The following ADAMTSL1 variants were observed in gnomAD, a reference collection of about 807,000 sequenced individuals.
ADAMTSL1 encodes ADAMTS like 1.
In ADAMTSL1, 126 loss-of-function variants were observed where a neutral mutation model predicts 201.8. That is an observed-to-expected ratio of 0.62 (90% CI 0.54 to 0.72). The LOEUF (loss-of-function observed/expected upper bound fraction) is 0.72. Among genes scored for constraint, ADAMTSL1 ranks in the 30% least tolerant of loss-of-function variants. ADAMTSL1 has a pLI of 0.00. For synonymous variants in ADAMTSL1, 1,121 were observed against 903.4 expected (o/e 1.24, Z -4.32); for missense variants, 2,679 against 2,277.8 (o/e 1.18, Z -3.59).
chr9:18,823,725 G>A (rs1361841050), intron 21 of ADAMTSL1, among the ~76,000 whole-genome samples: 4 of 152,092 alleles, frequency 2.6e-5, no homozygotes, highest in Non-Finnish European at 5.9e-5. Context: ...ATGGTGGCTC[G>A]TGCCTGTAAT....
intron 1 of ADAMTSL1, among the ~76,000 whole-genome samples, chr9:18,496,485 C>T (rs1822541077): frequency 6.6e-6 from 1 of 152,190 alleles, no homozygotes; most frequent in Admixed American, 6.5e-5. Context: ...TATTACACCA[C>T]ATTTTTTTCT....
intron 2 of ADAMTSL1, among the ~76,000 whole-genome samples, chr9:18,305,387 G>T (rs1227183397): frequency 6.6e-6 from 1 of 152,200 alleles, no homozygotes; most frequent in Non-Finnish European, 1.5e-5. Flanking sequence ...GGGGGCTGAA[G>T]CCAGGCAGCT....
intron 2 of ADAMTSL1, among the ~76,000 whole-genome samples, chr9:18,464,388 C>G (rs1167480305): frequency 2.0e-5 from 3 of 152,130 alleles, no homozygotes; most frequent in Non-Finnish European, 4.4e-5. Context: ...TATTGTTACA[C>G]AAATTATACT....
intron 2 of ADAMTSL1, among the ~76,000 whole-genome samples, chr9:18,337,986 G>C (rs1835312362): frequency 6.6e-6 from 1 of 152,080 alleles, no homozygotes; most frequent in African/African-American, 2.4e-5. Flanking sequence ...TTACAGGAGT[G>C]GGGCAAAAGA....
Position 18,115,998 on chromosome 9 carries a change from A to C in ADAMTSL1, c.88-47864A>C, listed in dbSNP as rs377109253. Among the ~76,000 whole-genome samples the C allele has an allele frequency of 6.0e-4, 92 of 152,206 alleles. 3 individuals carry two copies. In the South Asian group the frequency reaches 0.018, roughly 30 times the overall value. On this transcript the variant is annotated intron_variant, in intron 1 of 29. Transcript: ENST00000680146. ...AGTTTTACTAAGTTGTGCCTTATAAAACTGTTCTCTGATATTGTGGAGATA... is the reference window on the plus strand; with the variant it reads ...AGTTTTACTAAGTTGTGCCTTATAACACTGTTCTCTGATATTGTGGAGATA...
At chr9:18,672,254 A>T (rs866234030) in intron 9 of ADAMTSL1, among the ~76,000 whole-genome samples, 1 of 152,018 alleles carries the variant, frequency 6.6e-6, no homozygotes, top group Middle Eastern at 3.4e-3. Flanking sequence ...GCACAGACTC[A>T]ATGATCTTGA....
At chr9:18,747,282 A>T (rs553429098) in intron 15 of ADAMTSL1, among the ~76,000 whole-genome samples, 3 of 152,280 alleles carry the variant, frequency 2.0e-5, no homozygotes, top group Non-Finnish European at 4.4e-5. Flanking sequence ...AAATGGGGAA[A>T]CTTACAGTAC....
At chr9:18,547,367 C>A (rs1004916061) in intron 3 of ADAMTSL1, among the ~76,000 whole-genome samples, 2 of 151,868 alleles carry the variant, frequency 1.3e-5, no homozygotes, top group African/African-American at 4.8e-5. Flanking sequence ...AATGATAAAA[C>A]CAGTGGCATA....
chr9:18,630,252 G>A (rs765112652), intron 5 of ADAMTSL1, among the ~76,000 whole-genome samples: 7 of 152,090 alleles, frequency 4.6e-5, no homozygotes, highest in Non-Finnish European at 8.8e-5. Context: ...AATGTTCCAT[G>A]ACTTACAAAG....
chr9:18,406,287 GTTTTTTCTTT>G (rs1275341374), intron 2 of ADAMTSL1, among the ~76,000 whole-genome samples: 1 of 62,196 alleles, frequency 1.6e-5, no homozygotes, highest in African/African-American at 4.3e-5. Context: ...GTATAAGACA[GTTTTTTCTTT>G]TCTTTTCTTT....
At chr9:18,807,380 C>G (rs981358167) in intron 20 of ADAMTSL1, among the ~76,000 whole-genome samples, 2 of 152,092 alleles carry the variant, frequency 1.3e-5, no homozygotes, top group African/African-American at 4.8e-5. Context: ...CGCGGTAGCT[C>G]ACGCCTGAAA....
In ADAMTSL1 at chr9:18,317,652, C is replaced by G. The variant is rs185517843; in HGVS notation, c.207+153671C>G. 5.5e-3 allele frequency among the ~76,000 whole-genome samples: 836 copies of G among 152,306 alleles called. 8 individuals carry two copies. The highest frequency in any genetic ancestry group is 0.019 in the African/African-American group (807 of 41,562). On this transcript the variant is annotated intron_variant, in intron 2 of 29. Coordinates refer to the ADAMTSL1 transcript ENST00000680146. ...GAAAGCCTGCTAAAAGGCCTTTAGT[C>G]CCCATCTTCACCAGACTATTTACTT... is the stretch of plus-strand genomic sequence containing the variant.
chr9:18,366,773 A>G (rs1249066785), intron 2 of ADAMTSL1, among the ~76,000 whole-genome samples: 3 of 150,290 alleles, frequency 2.0e-5, no homozygotes, highest in Non-Finnish European at 4.4e-5. Context: ...ACCTGCCACC[A>G]TTCCCGGCTA....
chr9:18,488,353 G>A (rs558429220), intron 1 of ADAMTSL1, among the ~76,000 whole-genome samples: 5 of 152,252 alleles, frequency 3.3e-5, no homozygotes, highest in South Asian at 4.2e-4. Context: ...AGCTTCCCAC[G>A]TTTGGTCAGT....
In ADAMTSL1 at chr9:18,681,697, T is replaced by TGTGTGGC. The variant is rs370940110; in HGVS notation, c.1342-114_1342-113insTGTGGCG. 1.1e-3 allele frequency: 254 copies of TGTGTGGC among 240,298 alleles called. 2 individuals carry two copies. The highest frequency in any genetic ancestry group is 5.5e-3 in the South Asian group (66 of 11,978). 14.9% of individuals were successfully genotyped at this position (240,298 alleles called of 1,614,324 possible). A position where few individuals can be genotyped will look rare whatever the true frequency, so the allele number is the denominator to read the frequency against. On this transcript the variant is annotated intron_variant, in intron 11 of 28. Coordinates refer to ENST00000380548, the MANE Select transcript of ADAMTSL1 (RefSeq NM_001040272.6). Reference sequence around the variant, plus strand: ...TATAAATTTACCAGGAGTCCTCGTGTGGGGGGGGGGGGCGGGGAAAAAGAA... The same window carrying TGTGTGGC: ...TATAAATTTACCAGGAGTCCTCGTGTGTGTGGCGGGGGGGGGGGGCGGGGAAAAAGAA...
At chr9:18,049,002 C>T (rs1409104261) in intron 1 of ADAMTSL1, among the ~76,000 whole-genome samples, 1 of 152,132 alleles carries the variant, frequency 6.6e-6, no homozygotes, top group Non-Finnish European at 1.5e-5. Flanking sequence ...TCCCCTACTT[C>T]CGGCAGTTGC....
intron 2 of ADAMTSL1, among the ~76,000 whole-genome samples, chr9:18,189,224 A>G (rs1266087609): frequency 1.3e-5 from 2 of 152,150 alleles, no homozygotes; most frequent in Non-Finnish European, 2.9e-5. Context: ...GAGGGGATGC[A>G]TGAGAACATT....
intron 1 of ADAMTSL1, among the ~76,000 whole-genome samples, chr9:18,060,352 C>T (rs1226453259): frequency 6.6e-6 from 1 of 152,138 alleles, no homozygotes; most frequent in Admixed American, 6.5e-5. Context: ...ATACTGTAGG[C>T]ACCTCAGATA....
rs770332554 is a variant in ADAMTSL1 at position 18,777,203 on chromosome 9, C to G, written c.2974C>G (p.Leu992Val). The change falls in exon 19 of 29, where the codon CTG becomes GTG. Residue 992 changes from leucine (L) to valine (V), a missense_variant. Physicochemically the swap from Leu to Val is conservative, Grantham distance 32. Coordinates refer to ENST00000380548, the MANE Select transcript of ADAMTSL1 (RefSeq NM_001040272.6). ...GAGGAAGGGCGGCCCGAAGGAGGCC[C>G]TGCAGACCCACAAACACCAGAACGG... ...AGRKGGPKEA[L>V]QTHKHQNGIF... 16 of 1,612,758 alleles carry G rather than the reference C, an allele frequency of 9.9e-6. No individual in the cohort carries two copies. Among genetic ancestry groups the G allele is most frequent in the Non-Finnish European group, 8.5e-7 (1 of 1,179,826 alleles).
Sources: gnomAD v4.1 joint callset for allele counts (sites outside exome capture counted in the v4.1 genomes callset) on GRCh38, gnomAD v4.1.1 for gene constraint, MANE v1.5 for transcripts, NCBI Gene and HGNC (gene_info 2026-07-23, HGNC 2026-07-21) for gene names.